PARD3B: variants seen among roughly 807,000 people sequenced by gnomAD.
PARD3B encodes partitioning defective 3 homolog B.
A neutral mutation model predicts 130.2 loss-of-function variants in PARD3B; 103 were observed. The observed-to-expected ratio is 0.79, with a 90% CI of 0.67 to 0.93. The LOEUF is 0.93. Among genes scored for constraint, PARD3B ranks in the 40% least tolerant of loss-of-function variants. The probability of loss-of-function intolerance (pLI) is 0.00; values close to 1 mark genes in which losing one functional copy is unlikely to be tolerated. For missense variants in PARD3B, 1,609 were observed against 1,499.2 expected (o/e 1.07, Z -1.21); for synonymous variants, 583 against 553.2 (o/e 1.05, Z -0.76).
In PARD3B at chr2:205,291,543, G is replaced by A. The variant is rs543748194; in HGVS notation, c.2186-8987G>A. 3.2e-4 allele frequency among the ~76,000 whole-genome samples: 49 copies of A among 152,306 alleles called. No homozygotes were observed. Among genetic ancestry groups the A allele is most frequent in the African/African-American group, 1.1e-3 (47 of 41,572 alleles). ...GGTAGAACTTGTAAGTGATGAAATT[G>A]GGTATTTAGCTGAAGCTATTTGTAA... On this transcript the variant is annotated intron_variant, in intron 16 of 22. Coordinates refer to ENST00000406610, the MANE Select transcript of PARD3B (RefSeq NM_001302769.2). This position sits in a 1 kb window ranked among gnomAD's most constrained non-coding sequence, Gnocchi z 4.6.
intron 6 of PARD3B, among the ~76,000 whole-genome samples, chr2:205,114,205 C>T (rs1703860276): frequency 6.6e-6 from 1 of 152,086 alleles, no homozygotes; most frequent in Non-Finnish European, 1.5e-5. Flanking sequence ...ATCAACACTT[C>T]TTGAAATTTA....
chr2:204,632,147 A>G (rs1418975042), intron 1 of PARD3B, among the ~76,000 whole-genome samples: 1 of 152,054 alleles, frequency 6.6e-6, no homozygotes, highest in Non-Finnish European at 1.5e-5. Context: ...ATGTCATGAA[A>G]TCTAGTCATT....
intron 15 of PARD3B, among the ~76,000 whole-genome samples, chr2:205,232,562 A>G (rs1162306409): frequency 6.6e-6 from 1 of 152,238 alleles, no homozygotes; most frequent in Non-Finnish European, 1.5e-5. Flanking sequence ...AAGACATATA[A>G]TAAGGAAAAA....
chr2:205,573,744 T>C (rs868628265), intron 22 of PARD3B, among the ~76,000 whole-genome samples: 10 of 152,334 alleles, frequency 6.6e-5, no homozygotes, highest in Admixed American at 2.0e-4. Flanking sequence ...AAGCCAACTT[T>C]TTTTTACAAG....
At chr2:205,076,995 A>G (rs1365390777) in intron 4 of PARD3B, among the ~76,000 whole-genome samples, 2 of 152,216 alleles carry the variant, frequency 1.3e-5, no homozygotes, top group South Asian at 2.1e-4. Flanking sequence ...CTAACATCCC[A>G]TAGAAGACAT....
intron 3 of PARD3B, among the ~76,000 whole-genome samples, chr2:205,014,032 C>T (rs1428504644): frequency 6.6e-6 from 1 of 152,166 alleles, no homozygotes; most frequent in East Asian, 1.9e-4. Flanking sequence ...AGCTCTGCTA[C>T]CAGAATTGCC....
At chr2:205,348,865 A>G (rs1246010623) in intron 18 of PARD3B, among the ~76,000 whole-genome samples, 1 of 138,684 alleles carries the variant, frequency 7.2e-6, no homozygotes, top group African/African-American at 3.3e-5. Context: ...AGTGGAAAGT[A>G]AAGGATAATA....
intron 22 of PARD3B, among the ~76,000 whole-genome samples, chr2:205,581,640 G>A (rs1559238959): frequency 6.6e-6 from 1 of 151,254 alleles, no homozygotes; most frequent in East Asian, 1.9e-4. Context: ...AATGATAAAT[G>A]CTTGAGGTGG....
At chr2:205,315,851 T>C (rs972012080) in intron 18 of PARD3B, among the ~76,000 whole-genome samples, 3 of 152,186 alleles carry the variant, frequency 2.0e-5, no homozygotes, top group Non-Finnish European at 4.4e-5. Flanking sequence ...CTTTATGAAT[T>C]CTTTGATTTG....
In PARD3B at chr2:204,954,128, C is replaced by A. The variant is rs139743213; in HGVS notation, c.223-11024C>A. Reference sequence around the variant, plus strand: ...CTCCCAAAGTCAGCACCCATCCCAGCAGGGTTAGCCATATTATCACTAGTT... The same window carrying A: ...CTCCCAAAGTCAGCACCCATCCCAGAAGGGTTAGCCATATTATCACTAGTT... On this transcript the variant is annotated intron_variant, in intron 2 of 22. Coordinates refer to ENST00000406610, the MANE Select transcript of PARD3B (RefSeq NM_001302769.2). Among the ~76,000 whole-genome samples the A allele has an allele frequency of 1.7e-3, 255 of 152,244 alleles. 2 individuals carry two copies. The highest frequency in any genetic ancestry group is 5.7e-3 in the African/African-American group (236 of 41,534).
At chr2:205,304,080 T>C (rs1437078472) in intron 18 of PARD3B, among the ~76,000 whole-genome samples, 1 of 152,226 alleles carries the variant, frequency 6.6e-6, no homozygotes, top group Non-Finnish European at 1.5e-5. Flanking sequence ...GATCATCAGC[T>C]GAAATTTCTA....
rs1184455274 is a variant in PARD3B at position 205,618,106 on chromosome 2, G to A, written c.*2293G>A. 2 of 152,192 alleles carry A rather than the reference G, an allele frequency of 1.3e-5. No homozygotes were observed. Among genetic ancestry groups the A allele is most frequent in the Non-Finnish European group, 2.9e-5 (2 of 68,040 alleles). 9.4% of individuals were successfully genotyped at this position (152,192 alleles called of 1,614,324 possible). ...GTAAACTGCTCCAAAGCTGGGTTTT[G>A]TGTTGCATACAAAGTCAATAAAATA... On this transcript the variant is annotated 3_prime_UTR_variant, in exon 23 of 23. Coordinates refer to ENST00000406610, the MANE Select transcript of PARD3B (RefSeq NM_001302769.2).
At chr2:205,361,281 T>C (rs567600694) in intron 18 of PARD3B, among the ~76,000 whole-genome samples, 5 of 152,288 alleles carry the variant, frequency 3.3e-5, no homozygotes, top group East Asian at 3.9e-4. Context: ...CAGGAGCTCA[T>C]GGAATCGGAG....
rs1689092543 is a variant in PARD3B, at chr2:204,943,707, G to GT, written c.223-21441dup. On this transcript the variant is annotated intron_variant, in intron 2 of 22. Transcript: ENST00000406610. The surrounding 1 kb of genome is among the most constrained non-coding windows in gnomAD (Gnocchi z 4.2). ...CAGTTAAGGAGCATAAGAAAGGCTG[G>GT]TTTTGGCAAGCAGAGGACAAATCCA... is the stretch of plus-strand genomic sequence containing the variant. Among the ~76,000 whole-genome samples, 1 of 152,126 alleles carries GT rather than the reference G, an allele frequency of 6.6e-6. No individual in the cohort carries two copies.
intron 2 of PARD3B, among the ~76,000 whole-genome samples, chr2:204,838,830 T>C (rs191551840): frequency 1.1e-3 from 163 of 152,298 alleles, no homozygotes; most frequent in Middle Eastern, 3.4e-3. Flanking sequence ...CAAAAACATG[T>C]ACATCTATTG....
rs190306200 is a variant in PARD3B, at chr2:204,664,663, T to C, written c.121-21518T>C. On this transcript the variant is annotated intron_variant, in intron 1 of 22. Transcript: ENST00000406610. This position sits in a 1 kb window ranked among gnomAD's most constrained non-coding sequence, Gnocchi z 5.2. ...GGTAAAATCTATTCTGAAGAACTTA[T>C]AGGCAAATAGCTTTTGAGAATTTGG... Among the ~76,000 whole-genome samples, 23 of 152,206 alleles carry C rather than the reference T, an allele frequency of 1.5e-4. No individual in the cohort carries two copies. Among genetic ancestry groups the C allele is most frequent in the Admixed American group, 4.6e-4 (7 of 15,272 alleles).
chr2:205,442,337 C>A (rs1213097656), intron 20 of PARD3B, among the ~76,000 whole-genome samples: 1 of 118,814 alleles, frequency 8.4e-6, no homozygotes, highest in Non-Finnish European at 1.6e-5. Context: ...CTCACTCTGT[C>A]GACCAGGCTG....
chr2:205,172,628 G>T (rs980691593), intron 12 of PARD3B, among the ~76,000 whole-genome samples: 3 of 152,174 alleles, frequency 2.0e-5, no homozygotes, highest in African/African-American at 7.2e-5. Flanking sequence ...AATTCCAAGA[G>T]CTCTGAACTT....
intron 2 of PARD3B, among the ~76,000 whole-genome samples, chr2:204,780,310 T>C (rs1392449985): frequency 6.6e-6 from 1 of 152,160 alleles, no homozygotes. Flanking sequence ...TGGGTAACTA[T>C]AGAAACCTTA....
Sources: allele counts gnomAD v4.1 joint callset (sites outside exome capture counted in the v4.1 genomes callset), GRCh38; gene constraint gnomAD v4.1.1; non-coding constraint Gnocchi (gnomAD v3.1); transcripts MANE v1.5; gene names NCBI Gene and HGNC (gene_info 2026-07-23, HGNC 2026-07-21).